Variants in CPB1 observed in about 807,000 individuals in gnomAD.
CPB1 encodes the protein carboxypeptidase B.
Under a neutral mutation model 51.4 loss-of-function variants are expected in CPB1, and 53 were observed. The ratio of observed to expected loss-of-function variants is 1.03; its 90% CI spans 0.83 to 1.30. The LOEUF is 1.30. Ranked by LOEUF, CPB1 falls within the 50% of genes most tolerant of loss-of-function variation. CPB1 has a pLI of 0.00. For synonymous variants in CPB1, 189 were observed against 186.9 expected, an observed-to-expected ratio of 1.01 and a Z score of -0.09; for missense variants, 494 against 516.2, an observed-to-expected ratio of 0.96 and a Z score of 0.42.
intron 9 of CPB1, among the ~76,000 whole-genome samples, chr3:148,852,894 C>T (rs1486707514): frequency 6.6e-6 from 1 of 152,202 alleles, no homozygotes. Context: ...CCTTGCCCTT[C>T]TCTAATCTCA....
chr3:148,834,722 T>C, intron 3 of CPB1, 100 bp downstream of exon 3: 2 of 1,174,884 alleles, frequency 1.7e-6, no homozygotes, highest in Non-Finnish European at 2.4e-6. Flanking sequence ...CCAAGACCAA[T>C]GCCTTCCCCA....
At chr3:148,828,370 C>T (rs1712634921) in intron 2 of CPB1, among the ~76,000 whole-genome samples, 2 of 152,168 alleles carry the variant, frequency 1.3e-5, no homozygotes, top group Admixed American at 1.3e-4. Context: ...CAGTCACTTT[C>T]CTTCTAAGGC....
intron 2 of CPB1, among the ~76,000 whole-genome samples, chr3:148,832,049 A>G (rs1038162875): frequency 1.3e-5 from 2 of 152,148 alleles, no homozygotes; most frequent in African/African-American, 2.4e-5. Context: ...GTATGTTGAT[A>G]GGTTTGCTAA....
At chr3:148,848,573 A>G (rs572967282) in intron 9 of CPB1, among the ~76,000 whole-genome samples, 1 of 152,296 alleles carries the variant, frequency 6.6e-6, no homozygotes, top group African/African-American at 2.4e-5. Flanking sequence ...GACTAAAGGA[A>G]ATTATTTTGT....
At chr3:148,843,562 C>T (rs895192421) in intron 6 of CPB1, among the ~76,000 whole-genome samples, 2 of 151,896 alleles carry the variant, frequency 1.3e-5, no homozygotes, top group African/African-American at 4.8e-5. Context: ...AATTTGTAGA[C>T]CATTAAAAGA....
At chr3:148,834,408 T>C (rs1481057558) in intron 2 of CPB1, 90 bp from the exon 3 acceptor site, 1 of 1,217,150 alleles carries the variant, frequency 8.2e-7, no homozygotes, top group African/African-American at 1.5e-5. Flanking sequence ...ATTTTGAAAA[T>C]AACTCAATTC....
At chr3:148,849,390 G>T (rs1160682949) in intron 9 of CPB1, among the ~76,000 whole-genome samples, 2 of 152,124 alleles carry the variant, frequency 1.3e-5, no homozygotes, top group African/African-American at 2.4e-5. Context: ...GAAAAACAAT[G>T]AATTTAGATT....
chr3:148,852,625 A>G (rs1713463751), intron 9 of CPB1, among the ~76,000 whole-genome samples: 1 of 152,246 alleles, frequency 6.6e-6, no homozygotes, highest in African/African-American at 2.4e-5. Flanking sequence ...ATTAGACAGT[A>G]TTTATTTATT....
rs1713131363 is a variant in CPB1, at chr3:148,842,971, A to G, written c.576+1047A>G. Among the ~76,000 whole-genome samples the G allele has an allele frequency of 3.3e-5, 5 of 152,328 alleles. No homozygotes were observed. The South Asian group carries it at 1.0e-3, about 32-fold the overall frequency. The stretch of plus-strand genomic sequence containing the variant: ...AATTTAATTTTGAAAAATAATTTAG[A>G]CAAACTCAAAGTAAGGGACATTCTG... On this transcript the variant is annotated intron_variant, in intron 6 of 10. Transcript: ENST00000282957.
intron 2 of CPB1, among the ~76,000 whole-genome samples, chr3:148,833,836 A>T (rs1410560658): frequency 6.6e-6 from 1 of 152,150 alleles, no homozygotes; most frequent in Non-Finnish European, 1.5e-5. Context: ...ATGTATTCCT[A>T]GTCTCAGACA....
At chr3:148,859,421 C>T (rs866225000) in intron 10 of CPB1, among the ~76,000 whole-genome samples, 1 of 152,158 alleles carries the variant, frequency 6.6e-6, no homozygotes, top group South Asian at 2.1e-4. Flanking sequence ...TCAATCTTAT[C>T]GTTTGGCACA....
chr3:148,834,663 C>A, intron 3 of CPB1, 41 bp downstream of exon 3: 2 of 1,571,078 alleles, frequency 1.3e-6, no homozygotes, highest in Non-Finnish European at 1.7e-6. Context: ...CTCTCCCATG[C>A]ATGCTTTCAT....
chr3:148,837,508 G>A (rs991262209), intron 3 of CPB1, among the ~76,000 whole-genome samples: 12 of 151,002 alleles, frequency 7.9e-5, no homozygotes, highest in Non-Finnish European at 1.3e-4. Context: ...GGAGAAGTTG[G>A]ATGGCACTAT....
At chr3:148,836,265 C>A (rs1201905317) in intron 3 of CPB1, among the ~76,000 whole-genome samples, 3 of 151,800 alleles carry the variant, frequency 2.0e-5, no homozygotes, top group African/African-American at 4.8e-5. Flanking sequence ...AAAATGTGAC[C>A]TTAAGAATTG....
At chr3:148,853,487 T>C (rs532358729) in intron 9 of CPB1, among the ~76,000 whole-genome samples, 3 of 152,222 alleles carry the variant, frequency 2.0e-5, no homozygotes, top group Non-Finnish European at 4.4e-5. Flanking sequence ...ACGAGCTAGA[T>C]GTGACATTTT....
chr3:148,828,008 G>T lies in CPB1; in HGVS notation c.78G>T (p.Lys26Asn). The T allele has an allele frequency of 6.2e-7, 1 of 1,614,036 alleles. No individual in the cohort carries two copies. Among genetic ancestry groups the T allele is most frequent in the South Asian group, 1.1e-5 (1 of 91,058 alleles). Residue 26 changes from lysine (K) to asparagine (N), a missense_variant, in exon 2 of 11, where the codon AAG becomes AAT. Lys to Asn is a moderately conservative substitution (Grantham distance 94). Transcript: ENST00000282957. ...CTATTATCTCATTATTCAGCGAGAAGGTGTTCCGTGTTAACGTTGAAGATG... is the reference window on the plus strand; with the variant it reads ...CTATTATCTCATTATTCAGCGAGAATGTGTTCCGTGTTAACGTTGAAGATG... ...HHGGEHFEGE[K>N]VFRVNVEDEN...
chr3:148,840,988 A>G lies in CPB1; in HGVS notation c.474+13A>G, dbSNP rs758093872. 2 of 1,606,510 alleles carry G rather than the reference A, an allele frequency of 1.2e-6. No homozygotes were observed. The highest frequency in any genetic ancestry group is 1.7e-6 in the Non-Finnish European group (2 of 1,173,510). On this transcript the variant is annotated intron_variant, in intron 5 of 10. Transcript: ENST00000282957. ...TTACCTCCTGAAGGTAATCATTTTT[A>G]ACCATGACCTTGCCATGTCTGAGGG... is the stretch of plus-strand genomic sequence containing the variant.
intron 9 of CPB1, among the ~76,000 whole-genome samples, chr3:148,853,983 C>A (rs1713503322): frequency 6.6e-6 from 1 of 152,152 alleles, no homozygotes; most frequent in South Asian, 2.1e-4. Context: ...CCTCAAAAGG[C>A]AAGTTTTATA....
intron 9 of CPB1, among the ~76,000 whole-genome samples, chr3:148,846,116 G>T (rs1713230857): frequency 6.6e-6 from 1 of 152,046 alleles, no homozygotes; most frequent in South Asian, 2.1e-4. Context: ...TTCACTTTTT[G>T]ATTGGGTGAG....
Sources: allele counts gnomAD v4.1 joint callset (sites outside exome capture counted in the v4.1 genomes callset), GRCh38; gene constraint gnomAD v4.1.1; transcripts MANE v1.5; gene names NCBI Gene and HGNC (gene_info 2026-07-23, HGNC 2026-07-21).